LRRC39: variants seen among roughly 807,000 people sequenced by gnomAD.
LRRC39 encodes leucine rich repeat containing 39.
A neutral mutation model predicts 39.7 loss-of-function variants in LRRC39; 35 were observed. That is an observed-to-expected ratio of 0.88 (90% CI 0.67 to 1.17). The LOEUF (loss-of-function observed/expected upper bound fraction) is 1.17. Among genes scored for constraint, LRRC39 ranks in the 50% most tolerant of loss-of-function variants. LRRC39 has a pLI of 0.00. For missense variants in LRRC39, 357 were observed against 385.8 expected, an observed-to-expected ratio of 0.93 and a Z score of 0.62; for synonymous variants, 113 against 134.1, an observed-to-expected ratio of 0.84 and a Z score of 1.09.
chr1:100,158,132 G>A, intron 6 of LRRC39, 99 bp downstream of exon 6: 2 of 1,305,080 alleles, frequency 1.5e-6, no homozygotes, highest in Non-Finnish European at 2.1e-6. Context: ...GAAATACATA[G>A]AATTTTCTCA....
chr1:100,161,588 C>T (rs1658882196), intron 3 of LRRC39, among the ~76,000 whole-genome samples: 1 of 152,106 alleles, frequency 6.6e-6, no homozygotes, highest in African/African-American at 2.4e-5. Flanking sequence ...ACCATGTTTT[C>T]ATTTTTCTTG....
chr1:100,159,606 C>CTTTTTT lies in LRRC39; in HGVS notation c.220-197_220-192dup, dbSNP rs10593200. Among the ~76,000 whole-genome samples the CTTTTTT allele has an allele frequency of 1.0e-3, 42 of 41,294 alleles. 2 individuals are homozygous for CTTTTTT. Among genetic ancestry groups the CTTTTTT allele is most frequent in the South Asian group, 2.5e-3 (2 of 812 alleles). The allele number at this position is 41,294 out of a possible 152,430, so 27.1% of individuals were successfully genotyped here. On this transcript the variant is annotated intron_variant, in intron 4 of 9. Coordinates refer to ENST00000370137, the MANE Select transcript of LRRC39 (RefSeq NM_144620.4). ...GATCTTTCCTTTTTTTTTTCTTTTCCTTTTTTTTTTTTTTTTTTTTTGGCT... is the reference window on the plus strand; with the variant it reads ...GATCTTTCCTTTTTTTTTTCTTTTCCTTTTTTTTTTTTTTTTTTTTTTTTTTTGGCT...
chr1:100,175,561 CTA>C (rs1365385207), intron 1 of LRRC39, among the ~76,000 whole-genome samples: 5 of 151,960 alleles, frequency 3.3e-5, no homozygotes, highest in Admixed American at 6.6e-5. Context: ...AATTAAGAAC[CTA>C]TTGAAAGACA....
intron 1 of LRRC39, among the ~76,000 whole-genome samples, chr1:100,176,934 A>T (rs1461505562): frequency 6.6e-6 from 1 of 152,154 alleles, no homozygotes; most frequent in Admixed American, 6.5e-5. Flanking sequence ...TAAGGAAAAG[A>T]AGTAAATGAT....
At position 100,148,597 on chromosome 1, in the gene LRRC39, A is replaced by G. The variant is rs772295224; in HGVS notation, c.*445T>C. ...TATAAACTTTTGCAAAATTTTAACA[A>G]TGTTTTGTGTGTGTTTATTCAATTT... On this transcript the variant is annotated 3_prime_UTR_variant, in exon 10 of 10. Transcript: ENST00000370137. 6.3e-7 allele frequency: 1 copy of G among 1,577,300 alleles called. No homozygotes were observed. The highest frequency in any genetic ancestry group is 8.6e-7 in the Non-Finnish European group (1 of 1,167,350).
Position 100,148,855 on chromosome 1 carries a change from C to CA in LRRC39, c.*186dup. On this transcript the variant is annotated 3_prime_UTR_variant, in exon 10 of 10. Coordinates refer to ENST00000370137, the MANE Select transcript of LRRC39 (RefSeq NM_144620.4). ...AATTTGAGCATCATCTGTCTTCCACCAAAAAAAATTTTTTAATTATATTTT... is the reference window on the plus strand; with the variant it reads ...AATTTGAGCATCATCTGTCTTCCACCAAAAAAAAATTTTTTAATTATATTTT... The CA allele has an allele frequency of 7.6e-6, 10 of 1,309,338 alleles. No homozygotes were observed. The highest frequency in any genetic ancestry group is 4.8e-5 in the South Asian group (2 of 41,894). 81.1% of individuals were successfully genotyped at this position (1,309,338 alleles called of 1,614,324 possible).
chr1:100,159,866 G>A (rs1351356554), intron 4 of LRRC39, among the ~76,000 whole-genome samples: 1 of 151,904 alleles, frequency 6.6e-6, no homozygotes, highest in Non-Finnish European at 1.5e-5. Flanking sequence ...TTTAATTTGA[G>A]AATTTTAAGA....
rs138445082 is a variant in LRRC39, at chr1:100,177,500, G to T, written c.-119+635C>A. Among the ~76,000 whole-genome samples the T allele has an allele frequency of 8.4e-3, 1,278 of 152,320 alleles. 11 individuals carry two copies. The highest frequency in any genetic ancestry group is 0.013 in the Non-Finnish European group (907 of 68,024). On this transcript the variant is annotated intron_variant, in intron 1 of 9. Coordinates refer to ENST00000370137, the MANE Select transcript of LRRC39 (RefSeq NM_144620.4). ...GGCATGCCGAATTTACTCAGGAACA[G>T]AATGCGAGATCTCTTTGCTGTGAAG...
In LRRC39 at chr1:100,151,200, C is replaced by T. The variant is rs530780408; in HGVS notation, c.952+1185G>A. ...TCTGCCTCTACCACCTGATTCTATT[C>T]GCCAACCCATCTTCTGTACTTCATT... On this transcript the variant is annotated intron_variant, in intron 9 of 9. Transcript: ENST00000370137. Among the ~76,000 whole-genome samples the T allele has an allele frequency of 4.6e-5, 7 of 151,306 alleles. No individual in the cohort carries two copies. The South Asian group carries it at 1.0e-3, about 23-fold the overall frequency.
intron 3 of LRRC39, 143 bp from the exon 4 acceptor site, chr1:100,160,714 T>G: frequency 3.7e-6 from 2 of 535,152 alleles, no homozygotes; most frequent in East Asian, 6.4e-5. Context: ...AACCTCTGCC[T>G]TCCAGTTTCA....
At chr1:100,152,188 C>A (rs1387193008) in intron 9 of LRRC39, among the ~76,000 whole-genome samples, 197 bp downstream of exon 9, 8 of 152,200 alleles carry the variant, frequency 5.3e-5, no homozygotes, top group Non-Finnish European at 1.2e-4. Context: ...ACTTGAAAGA[C>A]TTTGAATATC....
At chr1:100,159,194 A>C in intron 5 of LRRC39, 65 bp downstream of exon 5, 1 of 1,424,254 alleles carries the variant, frequency 7.0e-7, no homozygotes, top group Non-Finnish European at 9.3e-7. Flanking sequence ...ATCCAAAAAA[A>C]TCTTAATAAA....
At chr1:100,160,626 C>CTTT in intron 3 of LRRC39, 55 bp from the exon 4 acceptor site, 309 of 1,116,420 alleles carry the variant, frequency 2.8e-4, no homozygotes, top group South Asian at 5.2e-4. Context: ...GTGGCATTCA[C>CTTT]TTTTTTTTTT....
In LRRC39 at chr1:100,168,594, C is replaced by T; in HGVS notation, c.-78G>A. ...ATCATAGATACCATTTCAGAAAGGA[C>T]CTAAATGTACCAGAGAAAAAAAGCA... is the stretch of plus-strand genomic sequence containing the variant. On this transcript the variant is annotated splice_region_variant and 5_prime_UTR_variant, in exon 3 of 10. Coordinates refer to ENST00000370137, the MANE Select transcript of LRRC39 (RefSeq NM_144620.4). 3 of 1,033,438 alleles carry T rather than the reference C, an allele frequency of 2.9e-6. No homozygotes were observed. Among genetic ancestry groups the T allele is most frequent in the South Asian group, 1.4e-5 (1 of 71,014 alleles). 64.0% of individuals were successfully genotyped at this position (1,033,438 alleles called of 1,614,324 possible). A position where few individuals can be genotyped will look rare whatever the true frequency, so the allele number is the denominator to read the frequency against.
At chr1:100,149,298 G>A (rs1447373606) in intron 9 of LRRC39, 1 of 1,531,422 alleles carries the variant, frequency 6.5e-7, no homozygotes. Context: ...GCACAATTGT[G>A]ATTTTCTCAA....
intron 4 of LRRC39, 47 bp from the exon 5 acceptor site, chr1:100,159,462 T>C (rs1283272927): frequency 3.6e-6 from 5 of 1,403,966 alleles, no homozygotes; most frequent in Admixed American, 2.5e-5. Flanking sequence ...TAAATTTTTT[T>C]AGTATCACGC....
chr1:100,165,588 T>A (rs1659182182), intron 3 of LRRC39, among the ~76,000 whole-genome samples: 1 of 152,200 alleles, frequency 6.6e-6, no homozygotes, highest in Non-Finnish European at 1.5e-5. Flanking sequence ...TTTTTACAGA[T>A]ATTTAGCAAC....
At chr1:100,165,701 A>G (rs1426797995) in intron 3 of LRRC39, among the ~76,000 whole-genome samples, 1 of 151,986 alleles carries the variant, frequency 6.6e-6, no homozygotes, top group Non-Finnish European at 1.5e-5. Flanking sequence ...TCCAGGTGAT[A>G]TGGTTTTGCT....
Position 100,148,801 on chromosome 1 carries a change from C to T in LRRC39, c.*241G>A. ...ACTGCTTTACCAAATCATTCTTCAT[C>T]ACCAGAAACAACTGCTTAATGGAAA... On this transcript the variant is annotated 3_prime_UTR_variant, in exon 10 of 10. Coordinates refer to ENST00000370137, the MANE Select transcript of LRRC39 (RefSeq NM_144620.4). The T allele has an allele frequency of 2.0e-6, 3 of 1,511,100 alleles. No individual in the cohort carries two copies. Among genetic ancestry groups the T allele is most frequent in the Non-Finnish European group, 2.6e-6 (3 of 1,132,156 alleles). The allele number at this position is 1,511,100 out of a possible 1,614,324, so 93.6% of individuals were successfully genotyped here. A position where few individuals can be genotyped will look rare whatever the true frequency, so the allele number is the denominator to read the frequency against.
Sources: allele counts gnomAD v4.1 joint callset (sites outside exome capture counted in the v4.1 genomes callset), GRCh38; gene constraint gnomAD v4.1.1; transcripts MANE v1.5; gene names NCBI Gene and HGNC (gene_info 2026-07-23, HGNC 2026-07-21).